The following RANBP17 variants were observed in gnomAD, a reference collection of about 807,000 sequenced individuals.
The protein encoded by RANBP17 is RAN binding protein 17.
In RANBP17, 158 loss-of-function variants were observed where a neutral mutation model predicts 141.2. The ratio of observed to expected loss-of-function variants is 1.12; its 90% CI spans 0.98 to 1.28. The LOEUF is 1.28. RANBP17 is among the 50% of genes most tolerant of loss of function. RANBP17 has a pLI of 0.00. For missense variants in RANBP17, 1,438 were observed against 1,290.7 expected, an observed-to-expected ratio of 1.11 and a Z score of -1.75; for synonymous variants, 430 against 450.0, an observed-to-expected ratio of 0.96 and a Z score of 0.56.
At chr5:171,060,547 G>C (rs75189209) in intron 14 of RANBP17, among the ~76,000 whole-genome samples, 25 of 151,736 alleles carry the variant, frequency 1.6e-4, no homozygotes, top group African/African-American at 2.9e-4. Context: ...TTTTGATGTG[G>C]TGCTGGATTC....
chr5:171,243,116 A>C, intron 24 of RANBP17: 1 of 271,980 alleles, frequency 3.7e-6, no homozygotes, highest in Non-Finnish European at 6.8e-6. Context: ...CACAAACATA[A>C]CCACCACGAC....
At chr5:170,929,805 G>A (rs1773200654) in intron 12 of RANBP17, among the ~76,000 whole-genome samples, 1 of 152,120 alleles carries the variant, frequency 6.6e-6, no homozygotes. Flanking sequence ...TTCTTTAAGA[G>A]GGATAGAATT....
chr5:171,018,862 T>C (rs1485394513), intron 14 of RANBP17, among the ~76,000 whole-genome samples: 1 of 152,238 alleles, frequency 6.6e-6, no homozygotes, highest in African/African-American at 2.4e-5. Flanking sequence ...CTTCCAGCTT[T>C]TGCCCATTCA....
At chr5:171,059,320 C>T (rs1581520201) in intron 14 of RANBP17, among the ~76,000 whole-genome samples, 1 of 152,112 alleles carries the variant, frequency 6.6e-6, no homozygotes, top group African/African-American at 2.4e-5. Context: ...GTCTTGAATC[C>T]ATCTTGAATT....
At chr5:170,941,980 G>A (rs1197368833) in intron 12 of RANBP17, among the ~76,000 whole-genome samples, 1 of 152,144 alleles carries the variant, frequency 6.6e-6, no homozygotes, top group East Asian at 1.9e-4. Context: ...GGCTTGCCAG[G>A]AACTGGGTTG....
intron 16 of RANBP17, among the ~76,000 whole-genome samples, chr5:171,181,619 A>T (rs1003588911): frequency 6.6e-6 from 1 of 152,260 alleles, no homozygotes; most frequent in African/African-American, 2.4e-5. Context: ...GGCTAAGCCA[A>T]ACATACATGC....
At chr5:171,071,126 C>G (rs1784610141) in intron 14 of RANBP17, among the ~76,000 whole-genome samples, 1 of 152,228 alleles carries the variant, frequency 6.6e-6, no homozygotes, top group East Asian at 1.9e-4. Context: ...ACCAGCAAAA[C>G]ATACAGTTCA....
In RANBP17 at chr5:171,256,978, A is replaced by G. The variant is rs145658435; in HGVS notation, c.2777-8703A>G. Among the ~76,000 whole-genome samples the G allele has an allele frequency of 1.8e-3, 268 of 152,300 alleles. 1 individual carries two copies. The highest frequency in any genetic ancestry group is 5.7e-3 in the African/African-American group (236 of 41,588). ...TGGATTCAAATCCAGACGTACAAAC[A>G]TACAAAACCAAATATACAAAGAAGA... On this transcript the variant is annotated intron_variant, in intron 24 of 27. Coordinates refer to ENST00000523189, the MANE Select transcript of RANBP17 (RefSeq NM_022897.5).
chr5:171,105,004 T>C (rs1435591530), intron 14 of RANBP17, among the ~76,000 whole-genome samples: 1 of 152,200 alleles, frequency 6.6e-6, no homozygotes, highest in African/African-American at 2.4e-5. Context: ...TTACATATTG[T>C]ACGTTGATAA....
At chr5:171,135,931 T>C (rs1360506204) in intron 14 of RANBP17, among the ~76,000 whole-genome samples, 1 of 152,190 alleles carries the variant, frequency 6.6e-6, no homozygotes, top group African/African-American at 2.4e-5. Context: ...ATTAATTTGC[T>C]TTATCAAGTT....
At chr5:170,960,525 T>C (rs1455567777) in intron 13 of RANBP17, among the ~76,000 whole-genome samples, 1 of 152,196 alleles carries the variant, frequency 6.6e-6, no homozygotes, top group South Asian at 2.1e-4. Flanking sequence ...TTTCCCTTTT[T>C]CTCTCTAGCA....
chr5:170,929,184 G>A (rs1024102256), intron 12 of RANBP17, among the ~76,000 whole-genome samples: 2 of 152,064 alleles, frequency 1.3e-5, no homozygotes, highest in Admixed American at 1.3e-4. Flanking sequence ...TGCAAATAAA[G>A]ATAGTTTTAT....
At chr5:171,271,989 A>G (rs1419295107) in intron 25 of RANBP17, among the ~76,000 whole-genome samples, 1 of 152,240 alleles carries the variant, frequency 6.6e-6, no homozygotes, top group Non-Finnish European at 1.5e-5. Flanking sequence ...GTACATATAT[A>G]CACCATGGAG....
intron 14 of RANBP17, among the ~76,000 whole-genome samples, chr5:170,976,795 A>T (rs1263775299): frequency 6.6e-6 from 1 of 152,146 alleles, no homozygotes; most frequent in African/African-American, 2.4e-5. Flanking sequence ...ATGCTGGTAC[A>T]ACTGGATATT....
Position 171,172,519 on chromosome 5 carries a change from TA to T in RANBP17, c.1865+1243del, listed in dbSNP as rs917227992. On this transcript the variant is annotated intron_variant, in intron 16 of 27. Transcript: ENST00000523189. Reference sequence around the variant, plus strand: ...TTTTAAGATATGTATTTTTTCTTATTAAAAAAAAAACTCAACCCATATTTTT... The same window carrying T: ...TTTTAAGATATGTATTTTTTCTTATTAAAAAAAAACTCAACCCATATTTTT... Among the ~76,000 whole-genome samples, 311 of 147,990 alleles carry T rather than the reference TA, an allele frequency of 2.1e-3. 2 individuals carry two copies. The highest frequency in any genetic ancestry group is 7.3e-3 in the African/African-American group (297 of 40,604).
chr5:171,298,725 C>A (rs1333569388), intron 27 of RANBP17, 37 bp from the exon 28 acceptor site: 3 of 1,533,412 alleles, frequency 2.0e-6, no homozygotes, highest in African/African-American at 1.4e-5. Flanking sequence ...GGCTTTGCCT[C>A]ATTACTACCC....
At chr5:170,886,699 C>T (rs1446262761) in intron 3 of RANBP17, among the ~76,000 whole-genome samples, 1 of 125,996 alleles carries the variant, frequency 7.9e-6, no homozygotes, top group African/African-American at 3.1e-5. Context: ...CACTTTGTCA[C>T]TGAGGCTGGA....
intron 14 of RANBP17, among the ~76,000 whole-genome samples, chr5:171,087,721 G>A (rs1334140946): frequency 6.7e-6 from 1 of 149,510 alleles, no homozygotes; most frequent in African/African-American, 2.5e-5. Context: ...TTATGTAATG[G>A]CCTTCTTTGT....
chr5:171,121,838 T>C (rs1756059708), intron 14 of RANBP17, among the ~76,000 whole-genome samples: 1 of 152,138 alleles, frequency 6.6e-6, no homozygotes, highest in Admixed American at 6.5e-5. Context: ...CCCCCACCCC[T>C]GCCAAGAAGG....
Sources: gnomAD v4.1 joint callset for allele counts (sites outside exome capture counted in the v4.1 genomes callset) on GRCh38, gnomAD v4.1.1 for gene constraint, MANE v1.5 for transcripts, NCBI Gene and HGNC (gene_info 2026-07-23, HGNC 2026-07-21) for gene names.